Variants in DAAM1 observed in about 807,000 individuals in gnomAD.
The protein encoded by DAAM1 is disheveled-associated activator of morphogenesis 1.
In DAAM1, 52 loss-of-function variants were observed where a neutral mutation model predicts 130.0. That is an observed-to-expected ratio of 0.40 (90% CI 0.32 to 0.50). The LOEUF (loss-of-function observed/expected upper bound fraction) is 0.50. Among genes scored for constraint, DAAM1 ranks in the 20% least tolerant of loss-of-function variants. The pLI, the probability that DAAM1 is intolerant of heterozygous loss-of-function variation, is 0.61. For missense variants in DAAM1, 1,134 were observed against 1,303.8 expected, an observed-to-expected ratio of 0.87 and a Z score of 2.01; for synonymous variants, 452 against 444.5, an observed-to-expected ratio of 1.02 and a Z score of -0.21.
rs150644082 is a variant in DAAM1, at chr14:59,218,656, A to G, written c.-38+29888A>G. On this transcript the variant is annotated intron_variant, in intron 1 of 24. Transcript: ENST00000360909. The stretch of plus-strand genomic sequence containing the variant: ...ATTACACTAAGATTAGATTATCACT[A>G]TTATTTTCTGATGGCACACACATGT... 5.4e-4 allele frequency among the ~76,000 whole-genome samples: 82 copies of G among 152,308 alleles called. 1 individual carries two copies. The East Asian group carries it at 9.8e-3, about 18-fold the overall frequency.
chr14:59,240,517 G>A (rs148874732), intron 1 of DAAM1, among the ~76,000 whole-genome samples: 83 of 152,270 alleles, frequency 5.5e-4, no homozygotes, highest in African/African-American at 1.9e-3. Flanking sequence ...CTGAGGCCCA[G>A]TATATCTAGT....
chr14:59,320,666 C>A, intron 5 of DAAM1, 82 bp downstream of exon 5: 2 of 985,482 alleles, frequency 2.0e-6, no homozygotes, highest in South Asian at 2.0e-5. Context: ...TCTAGGAAGT[C>A]TTAAGTTAAA....
chr14:59,279,936 C>T (rs1029333064), intron 2 of DAAM1, among the ~76,000 whole-genome samples: 12 of 152,014 alleles, frequency 7.9e-5, no homozygotes, highest in African/African-American at 2.7e-4. Flanking sequence ...TTTGAACAAA[C>T]ATTTCACAAA....
At chr14:59,365,460 C>CT (rs1886878699) in intron 23 of DAAM1, among the ~76,000 whole-genome samples, 2 of 136,108 alleles carry the variant, frequency 1.5e-5, no homozygotes, top group South Asian at 4.9e-4. Flanking sequence ...CCAAAGAACT[C>CT]TTTTCTAATA....
At chr14:59,260,325 A>C (rs760106186) in intron 1 of DAAM1, among the ~76,000 whole-genome samples, 4 of 152,214 alleles carry the variant, frequency 2.6e-5, no homozygotes, top group Non-Finnish European at 4.4e-5. Flanking sequence ...ATGCCAACTT[A>C]GGAAGTGCAG....
intron 2 of DAAM1, among the ~76,000 whole-genome samples, chr14:59,268,073 T>C (rs1449855473): frequency 1.3e-5 from 2 of 152,116 alleles, no homozygotes; most frequent in Non-Finnish European, 2.9e-5. Context: ...CAGCTATTTT[T>C]GTATTTTTTT....
At chr14:59,351,356 G>T (rs1026352572) in intron 17 of DAAM1, among the ~76,000 whole-genome samples, 1 of 151,976 alleles carries the variant, frequency 6.6e-6, no homozygotes, top group Non-Finnish European at 1.5e-5. Context: ...TTAAAAAAAC[G>T]TAAACTCACT....
At chr14:59,346,289 T>TACACCA (rs1886078327) in intron 16 of DAAM1, among the ~76,000 whole-genome samples, 1 of 152,194 alleles carries the variant, frequency 6.6e-6, no homozygotes, top group Admixed American at 6.5e-5. Flanking sequence ...CAGCCTGTCT[T>TACACCA]ACACCAAAGC....
rs1288886135 is a variant in DAAM1 at position 59,324,468 on chromosome 14, T to A, written c.989+14T>A. 1 of 1,509,746 alleles carries A rather than the reference T, an allele frequency of 6.6e-7. No homozygotes were observed. The highest frequency in any genetic ancestry group is 8.9e-7 in the Non-Finnish European group (1 of 1,119,420). The allele number at this position is 1,509,746 out of a possible 1,614,324, so 93.5% of individuals were successfully genotyped here. ...AACATTAGATAGGTAAGTCAGACTA[T>A]TATGATGTGAGAAAGTTTCTGTGTT... On this transcript the variant is annotated intron_variant, in intron 8 of 24. Transcript: ENST00000360909.
At chr14:59,288,925 T>C (rs1471361709) in intron 2 of DAAM1, among the ~76,000 whole-genome samples, 1 of 151,488 alleles carries the variant, frequency 6.6e-6, no homozygotes, top group Non-Finnish European at 1.5e-5. Context: ...TTGTTGTTGT[T>C]TTTGTTTTTG....
At chr14:59,217,690 G>T (rs1016764606) in intron 1 of DAAM1, among the ~76,000 whole-genome samples, 4 of 151,896 alleles carry the variant, frequency 2.6e-5, no homozygotes, top group Non-Finnish European at 4.4e-5. Flanking sequence ...GTACAAAAAT[G>T]AGCCAGGCAC....
chr14:59,288,865 G>T (rs548488990), intron 2 of DAAM1, among the ~76,000 whole-genome samples: 1 of 151,692 alleles, frequency 6.6e-6, no homozygotes, highest in Non-Finnish European at 1.5e-5. Flanking sequence ...GAGAGAGCGC[G>T]CGAAGGGGGC....
At chr14:59,221,431 T>C (rs1888769219) in intron 1 of DAAM1, among the ~76,000 whole-genome samples, 1 of 152,240 alleles carries the variant, frequency 6.6e-6, no homozygotes, top group Admixed American at 6.5e-5. Context: ...ACAGATGGTA[T>C]CATAACTAGC....
chr14:59,355,382 A>G, intron 20 of DAAM1, 49 bp downstream of exon 20: 1 of 1,604,286 alleles, frequency 6.2e-7, no homozygotes, highest in African/African-American at 1.4e-5. Context: ...GTGTAGGTCC[A>G]GGCTCAGATT....
intron 2 of DAAM1, among the ~76,000 whole-genome samples, chr14:59,289,784 A>ATATATATATATATACATATATATATATAT: frequency 1.6e-5 from 2 of 128,706 alleles, no homozygotes; most frequent in African/African-American, 5.7e-5. Context: ...ATATATATAT[A>ATATATATATATATACATATATATATATAT]ATGGAATGCT....
intron 22 of DAAM1, among the ~76,000 whole-genome samples, chr14:59,361,647 G>A (rs910334189): frequency 1.3e-5 from 2 of 152,234 alleles, no homozygotes; most frequent in African/African-American, 4.8e-5. Flanking sequence ...GACCTGGTAG[G>A]ATGAAACGTG....
chr14:59,236,923 G>T (rs901078637), intron 1 of DAAM1, among the ~76,000 whole-genome samples: 2 of 152,166 alleles, frequency 1.3e-5, no homozygotes, highest in African/African-American at 4.8e-5. Flanking sequence ...GGGCTATGTA[G>T]TACACTTATT....
At chr14:59,213,349 C>CAAAAAAAA (rs35496333) in intron 1 of DAAM1, among the ~76,000 whole-genome samples, 6 of 69,952 alleles carry the variant, frequency 8.6e-5, no homozygotes, top group Non-Finnish European at 1.3e-4. Flanking sequence ...CACAGCTTAC[C>CAAAAAAAA]AAAAAAAAAA....
intron 2 of DAAM1, among the ~76,000 whole-genome samples, chr14:59,284,201 G>C (rs10150407): frequency 0.23 from 34,492 of 152,034 alleles, 4,120 homozygotes; most frequent in East Asian, 0.33. Context: ...ATAGCCAGAA[G>C]CCAAGGAGAG....
Sources: gnomAD v4.1 joint callset for allele counts (sites outside exome capture counted in the v4.1 genomes callset) on GRCh38, gnomAD v4.1.1 for gene constraint, MANE v1.5 for transcripts, NCBI Gene and HGNC (gene_info 2026-07-23, HGNC 2026-07-21) for gene names.